Variants in UBE2QL1 observed in about 807,000 individuals in gnomAD.
UBE2QL1 encodes ubiquitin-conjugating enzyme E2Q-like protein 1.
UBE2QL1 carries 5 observed loss-of-function variants against 12.6 expected under a neutral mutation model. The observed-to-expected ratio is 0.40, with a 90% CI of 0.21 to 0.83. The LOEUF (loss-of-function observed/expected upper bound fraction) is 0.83, where lower values mean the gene tolerates loss of function less well. UBE2QL1 is among the 40% of genes least tolerant of loss of function. The pLI is 0.37. For synonymous variants in UBE2QL1, 96 were observed against 94.5 expected, an observed-to-expected ratio of 1.02 and a Z score of -0.10; for missense variants, 99 against 222.6, an observed-to-expected ratio of 0.44 and a Z score of 3.53.
At chr5:6,477,973 T>C (rs184994864) in intron 1 of UBE2QL1, among the ~76,000 whole-genome samples, 2 of 152,278 alleles carry the variant, frequency 1.3e-5, no homozygotes, top group African/African-American at 4.8e-5. Flanking sequence ...TTGGCAGGTA[T>C]TGGGGATCTC....
intron 1 of UBE2QL1, among the ~76,000 whole-genome samples, chr5:6,475,642 C>A (rs1206408614): frequency 6.7e-6 from 1 of 148,528 alleles, no homozygotes; most frequent in East Asian, 2.0e-4. Flanking sequence ...TAACAAGAAA[C>A]CAGTGTGAGC....
chr5:6,456,820 G>T (rs968717976), intron 1 of UBE2QL1, among the ~76,000 whole-genome samples: 3 of 152,116 alleles, frequency 2.0e-5, no homozygotes, highest in Non-Finnish European at 2.9e-5. Context: ...TGAGATGAGG[G>T]CAGGTGTGTC....
chr5:6,466,937 A>G (rs540098641), intron 1 of UBE2QL1, among the ~76,000 whole-genome samples: 257 of 152,326 alleles, frequency 1.7e-3, no homozygotes, highest in African/African-American at 5.9e-3. Flanking sequence ...TTTTGAGTCA[A>G]GAGGCACTAA....
intron 1 of UBE2QL1, among the ~76,000 whole-genome samples, chr5:6,453,577 G>A (rs1469536415): frequency 2.0e-5 from 3 of 152,174 alleles, no homozygotes; most frequent in African/African-American, 7.2e-5. Flanking sequence ...TTGTCTAAGT[G>A]TAAGGAAACA....
chr5:6,470,015 C>T (rs1308322343), intron 1 of UBE2QL1, among the ~76,000 whole-genome samples: 1 of 152,200 alleles, frequency 6.6e-6, no homozygotes, highest in Non-Finnish European at 1.5e-5. Context: ...TATAAGACAA[C>T]AGCGATGCCG....
chr5:6,491,389 A>C lies in UBE2QL1; in HGVS notation c.*40A>C, dbSNP rs1560938561. ...AGTAGACGCTCGAGCGCCTGTCCAC[A>C]CACACACCAGTACCCTGACATCTCC... On this transcript the variant is annotated 3_prime_UTR_variant, in exon 2 of 2. Coordinates refer to ENST00000399816, the MANE Select transcript of UBE2QL1 (RefSeq NM_001145161.3). 2.6e-6 allele frequency: 4 copies of C among 1,526,260 alleles called. No individual in the cohort carries two copies. Among genetic ancestry groups the C allele is most frequent in the Non-Finnish European group, 3.5e-6 (4 of 1,136,242 alleles). 94.5% of individuals were successfully genotyped at this position (1,526,260 alleles called of 1,614,324 possible).
chr5:6,452,465 T>C (rs1739430375), intron 1 of UBE2QL1, among the ~76,000 whole-genome samples: 1 of 152,228 alleles, frequency 6.6e-6, no homozygotes, highest in Non-Finnish European at 1.5e-5. Flanking sequence ...CTCTTAGTTT[T>C]TTATAATTGG....
chr5:6,461,553 G>A (rs976098101), intron 1 of UBE2QL1, among the ~76,000 whole-genome samples: 14 of 25,836 alleles, frequency 5.4e-4, no homozygotes, highest in South Asian at 1.8e-3. Context: ...ACCCCCCCCC[G>A]CCGGCATATC....
In UBE2QL1 at chr5:6,491,255, C is replaced by T; in HGVS notation, c.392C>T (p.Ser131Phe). Residue 131 changes from serine to phenylalanine, a missense_variant, in exon 2 of 2, where the codon TCC becomes TTC. Physicochemically the swap from Ser to Phe is radical, Grantham distance 155. Coordinates refer to ENST00000399816, the MANE Select transcript of UBE2QL1 (RefSeq NM_001145161.3). ...ICRKAGKSKK[S>F]FSRKEAEATF... ...AGAAAAGCTGGCAAATCAAAAAAGT[C>T]CTTCAGTCGCAAGGAAGCTGAAGCT... 1 of 1,551,492 alleles carries T rather than the reference C, an allele frequency of 6.4e-7. No individual in the cohort carries two copies. Among genetic ancestry groups the T allele is most frequent in the Non-Finnish European group, 8.7e-7 (1 of 1,146,926 alleles).
chr5:6,457,235 C>T lies in UBE2QL1; in HGVS notation c.354+7988C>T, dbSNP rs10035787. Among the ~76,000 whole-genome samples, 1,311 of 152,024 alleles carry T rather than the reference C, an allele frequency of 8.6e-3. 17 individuals are homozygous for T. The highest frequency in any genetic ancestry group is 0.03 in the African/African-American group (1,237 of 41,458). On this transcript the variant is annotated intron_variant, in intron 1 of 1. Coordinates refer to ENST00000399816, the MANE Select transcript of UBE2QL1 (RefSeq NM_001145161.3). The stretch of plus-strand genomic sequence containing the variant: ...TCCACCAGCCCCTTCTGCCTGGAAG[C>T]CCCTCTTGCCCATCTTCACCAGGTG...
intron 1 of UBE2QL1, among the ~76,000 whole-genome samples, chr5:6,452,891 G>A (rs1739437515): frequency 6.6e-6 from 1 of 152,122 alleles, no homozygotes; most frequent in African/African-American, 2.4e-5. Flanking sequence ...GCTTGATGGT[G>A]CACTGACTCA....
chr5:6,457,026 C>T (rs1041640165), intron 1 of UBE2QL1, among the ~76,000 whole-genome samples: 4 of 151,662 alleles, frequency 2.6e-5, no homozygotes, highest in African/African-American at 9.7e-5. Flanking sequence ...TCCTGCAGTG[C>T]CCCCATCCAG....
intron 1 of UBE2QL1, among the ~76,000 whole-genome samples, chr5:6,470,017 G>C (rs1388514137): frequency 2.0e-5 from 3 of 152,200 alleles, no homozygotes; most frequent in African/African-American, 7.2e-5. Flanking sequence ...TAAGACAACA[G>C]CGATGCCGGG....
rs948709693 is a variant in UBE2QL1, at chr5:6,492,956, C to G, written c.*1607C>G. The G allele has an allele frequency of 6.6e-6, 1 of 152,246 alleles. No homozygotes were observed. The highest frequency in any genetic ancestry group is 2.4e-5 in the African/African-American group (1 of 41,460). The allele number at this position is 152,246 out of a possible 1,614,324, so 9.4% of individuals were successfully genotyped here. On this transcript the variant is annotated 3_prime_UTR_variant, in exon 2 of 2. Transcript: ENST00000399816. The stretch of plus-strand genomic sequence containing the variant: ...TCAAGGTTTTCAGAGATCCAAGAGG[C>G]CTTGCCTCAAAGAACAAGGATTGGC...
At chr5:6,477,149 C>T (rs1579297924) in intron 1 of UBE2QL1, among the ~76,000 whole-genome samples, 1 of 152,226 alleles carries the variant, frequency 6.6e-6, no homozygotes, top group East Asian at 1.9e-4. Flanking sequence ...TCTCAAACAG[C>T]CCACCTTGTG....
intron 1 of UBE2QL1, among the ~76,000 whole-genome samples, chr5:6,489,580 T>C (rs1212366667): frequency 6.6e-6 from 1 of 152,178 alleles, no homozygotes; most frequent in Non-Finnish European, 1.5e-5. Flanking sequence ...GGCCTGTGTG[T>C]CCACTGTTGA....
chr5:6,492,352 A>G lies in UBE2QL1; in HGVS notation c.*1003A>G, dbSNP rs1422857562. 3 of 152,234 alleles carry G rather than the reference A, an allele frequency of 2.0e-5. No individual in the cohort carries two copies. Among genetic ancestry groups the G allele is most frequent in the Non-Finnish European group, 2.9e-5 (2 of 68,044 alleles). The allele number at this position is 152,234 out of a possible 1,614,324, so 9.4% of individuals were successfully genotyped here. On this transcript the variant is annotated 3_prime_UTR_variant, in exon 2 of 2. Coordinates refer to ENST00000399816, the MANE Select transcript of UBE2QL1 (RefSeq NM_001145161.3). Reference sequence around the variant, plus strand: ...TGCATGATCGGGTCTATTTCACCCAATAGTCACTTGTGTGTCCCCCGAAAT... The same window carrying G: ...TGCATGATCGGGTCTATTTCACCCAGTAGTCACTTGTGTGTCCCCCGAAAT...
At chr5:6,462,886 ATTTG>A (rs1157738150) in intron 1 of UBE2QL1, among the ~76,000 whole-genome samples, 18 of 152,240 alleles carry the variant, frequency 1.2e-4, no homozygotes, top group East Asian at 1.9e-4. Flanking sequence ...CTGATTTGTA[ATTTG>A]TTTGGTCTTA....
At chr5:6,470,606 C>T (rs1488183247) in intron 1 of UBE2QL1, among the ~76,000 whole-genome samples, 3 of 152,164 alleles carry the variant, frequency 2.0e-5, no homozygotes, top group South Asian at 2.1e-4. Context: ...GAGGTGTGCA[C>T]ATCTTTTCTC....
Sources: allele counts gnomAD v4.1 joint callset (sites outside exome capture counted in the v4.1 genomes callset), GRCh38; gene constraint gnomAD v4.1.1; transcripts MANE v1.5; gene names NCBI Gene and HGNC (gene_info 2026-07-23, HGNC 2026-07-21).